The following ABCA12 variants were observed in gnomAD, a reference collection of about 807,000 sequenced individuals.
ABCA12 encodes ATP binding cassette subfamily A member 12.
In ABCA12, 156 loss-of-function variants were observed where a neutral mutation model predicts 293.5. The ratio of observed to expected loss-of-function variants is 0.53; its 90% CI spans 0.47 to 0.61. The LOEUF (loss-of-function observed/expected upper bound fraction) is 0.61, where lower values mean the gene tolerates loss of function less well. ABCA12 is among the 20% of genes least tolerant of loss of function. ABCA12 has a pLI of 0.00. For synonymous variants in ABCA12, 1,063 were observed against 1,108.0 expected, an observed-to-expected ratio of 0.96 and a Z score of 0.81; for missense variants, 2,797 against 3,090.2, an observed-to-expected ratio of 0.91 and a Z score of 2.25.
At chr2:215,115,856 A>G (rs1702675414) in intron 1 of ABCA12, among the ~76,000 whole-genome samples, 1 of 152,202 alleles carries the variant, frequency 6.6e-6, no homozygotes, top group Admixed American at 6.5e-5. Flanking sequence ...AGAAGGGTGA[A>G]GAGGACATGG....
intron 2 of ABCA12, among the ~76,000 whole-genome samples, chr2:215,101,546 G>T (rs1702357335): frequency 6.6e-6 from 1 of 152,118 alleles, no homozygotes; most frequent in Non-Finnish European, 1.5e-5. Flanking sequence ...AGACAAAGAA[G>T]AAAAATATTG....
At position 214,968,743 on chromosome 2, in the gene ABCA12, G is replaced by T; in HGVS notation, c.5755C>A (p.Pro1919Thr). The stretch of plus-strand genomic sequence containing the variant: ...ACCTTGGCAAGTGTTCTATTGGCAG[G>T]GACTCCTGTTATATCAAAACGAAGG... Reference protein sequence around the residue: ...KDLRFDITGVPANRTLAKVWY... With the variant: ...KDLRFDITGVTANRTLAKVWY... The change falls in exon 38 of 53, where the codon CCT becomes ACT. Residue 1919 changes from proline (P) to threonine (T), a missense_variant. Physicochemically the swap from Pro to Thr is conservative, Grantham distance 38. This residue lies in a region of ABCA12 where 2,130 missense variants were observed against 2,427.0 expected (regional missense o/e 0.88). Transcript: ENST00000272895. 1 of 1,613,188 alleles carries T rather than the reference G, an allele frequency of 6.2e-7. No individual in the cohort carries two copies.
chr2:215,019,017 A>AC (rs1369193823), intron 13 of ABCA12, among the ~76,000 whole-genome samples: 1 of 152,252 alleles, frequency 6.6e-6, no homozygotes, highest in Non-Finnish European at 1.5e-5. Context: ...AGAAGCAAGT[A>AC]AATTTCATTG....
At chr2:215,110,117 T>A (rs1205832857) in intron 2 of ABCA12, among the ~76,000 whole-genome samples, 1 of 152,164 alleles carries the variant, frequency 6.6e-6, no homozygotes, top group Admixed American at 6.5e-5. Context: ...ATAACTAATA[T>A]ACACATAATA....
chr2:214,981,942 T>TTTATTATTA (rs200886578), intron 30 of ABCA12, among the ~76,000 whole-genome samples: 4,806 of 128,572 alleles, frequency 0.037, 137 homozygotes, highest in African/African-American at 0.053. Flanking sequence ...GTCAGCTGTT[T>TTTATTATTA]TTATTATTAT....
At chr2:214,959,253 A>G (rs563770121) in intron 39 of ABCA12, among the ~76,000 whole-genome samples, 175 bp from the exon 40 acceptor site, 1 of 152,050 alleles carries the variant, frequency 6.6e-6, no homozygotes, top group Admixed American at 6.5e-5. Context: ...TTAATGCCAT[A>G]CAATTGGTGG....
intron 13 of ABCA12, among the ~76,000 whole-genome samples, chr2:215,018,809 A>G (rs1280015428): frequency 6.6e-6 from 1 of 152,110 alleles, no homozygotes. Flanking sequence ...TTATTTTTCA[A>G]TCTAGTGCCA....
rs1432838218 is a variant in ABCA12, at chr2:215,104,759, C to G, written c.163+6838G>C. 3.3e-5 allele frequency among the ~76,000 whole-genome samples: 5 copies of G among 152,300 alleles called. No individual in the cohort carries two copies. In the East Asian group the frequency reaches 9.6e-4, roughly 29 times the overall value. On this transcript the variant is annotated intron_variant, in intron 2 of 52. Coordinates refer to ENST00000272895, the MANE Select transcript of ABCA12 (RefSeq NM_173076.3). ...TTAAGCAAGAAGCAGGCTGTTAATG[C>G]TCCTACACAAAAAATCTCTCCTACA...
chr2:215,059,599 G>T (rs529826491), intron 3 of ABCA12, among the ~76,000 whole-genome samples: 9 of 151,930 alleles, frequency 5.9e-5, no homozygotes, highest in Non-Finnish European at 1.3e-4. Context: ...GTTAGTTATA[G>T]TATATAGTGA....
At chr2:215,003,672 T>TTTTTA (rs1655857665) in intron 20 of ABCA12, among the ~76,000 whole-genome samples, 1 of 32 alleles carries the variant, frequency 0.031, no homozygotes, top group Non-Finnish European at 0.083. Context: ...ATAATAATAA[T>TTTTTA]TTTTTTTTTT....
intron 7 of ABCA12, among the ~76,000 whole-genome samples, chr2:215,041,845 T>C (rs1295970084): frequency 1.3e-5 from 2 of 152,206 alleles, no homozygotes; most frequent in East Asian, 3.8e-4. Context: ...AAAGAATGCA[T>C]TTTGAAATAT....
chr2:215,037,506 A>G (rs2106038201), intron 7 of ABCA12, among the ~76,000 whole-genome samples: 1 of 152,340 alleles, frequency 6.6e-6, no homozygotes, highest in Admixed American at 6.5e-5. Context: ...AGCATTTATA[A>G]TATTTATCTT....
chr2:215,018,360 T>C (rs1425593916), intron 13 of ABCA12, among the ~76,000 whole-genome samples: 1 of 152,240 alleles, frequency 6.6e-6, no homozygotes, highest in Non-Finnish European at 1.5e-5. Context: ...CTCTGAGTTA[T>C]AAATTTTCCT....
intron 4 of ABCA12, 57 bp downstream of exon 4, chr2:215,054,516 T>G (rs1701382230): frequency 7.2e-7 from 1 of 1,379,704 alleles, no homozygotes; most frequent in Middle Eastern, 1.8e-4. Context: ...TTTCAAAGAT[T>G]AGACCTTTAC....
At chr2:215,026,180 A>G (rs1300279291) in intron 10 of ABCA12, among the ~76,000 whole-genome samples, 1 of 152,172 alleles carries the variant, frequency 6.6e-6, no homozygotes, top group East Asian at 1.9e-4. Context: ...CTGGACTTAA[A>G]TATTTGTTGT....
rs1475374865 is a variant in ABCA12 at position 214,945,184 on chromosome 2, CT to C, written c.7240-81del. The C allele has an allele frequency of 4.4e-6, 5 of 1,124,588 alleles. No individual in the cohort carries two copies. The African/African-American group carries it at 7.7e-5, about 17-fold the overall frequency. The allele number at this position is 1,124,588 out of a possible 1,614,324, so 69.7% of individuals were successfully genotyped here. A position where few individuals can be genotyped will look rare whatever the true frequency, so the allele number is the denominator to read the frequency against. ...TCTTTTCATGAATTACTGCATTTCA[CT>C]TCCCTAGAACAGAAATACTTTTCGA... On this transcript the variant is annotated intron_variant, in intron 48 of 52. Coordinates refer to ENST00000272895, the MANE Select transcript of ABCA12 (RefSeq NM_173076.3).
intron 2 of ABCA12, among the ~76,000 whole-genome samples, chr2:215,091,713 C>T (rs1257117926): frequency 6.6e-6 from 1 of 152,236 alleles, no homozygotes; most frequent in Admixed American, 6.5e-5. Flanking sequence ...AAAGAAGAGG[C>T]AGCCATGTAG....
At chr2:214,978,224 A>G (rs1190924521) in intron 33 of ABCA12, 92 bp downstream of exon 33, 1 of 1,441,422 alleles carries the variant, frequency 6.9e-7, no homozygotes, top group Non-Finnish European at 9.7e-7. Context: ...GAAACTTTAG[A>G]GTTGAATTTT....
At chr2:215,120,220 T>C (rs949493298) in intron 1 of ABCA12, among the ~76,000 whole-genome samples, 6 of 152,070 alleles carry the variant, frequency 3.9e-5, no homozygotes, top group South Asian at 2.1e-4. Flanking sequence ...GAGTTAAACA[T>C]TGAGCGCTTA....
Sources: allele counts gnomAD v4.1 joint callset (sites outside exome capture counted in the v4.1 genomes callset), GRCh38; gene constraint gnomAD v4.1.1; regional missense constraint gnomAD v4.1.1; transcripts MANE v1.5; gene names NCBI Gene and HGNC (gene_info 2026-07-23, HGNC 2026-07-21).